The following SPATA16 variants were observed in gnomAD, a reference collection of about 807,000 sequenced individuals.
SPATA16 encodes spermatogenesis associated 16.
A neutral mutation model predicts 63.3 loss-of-function variants in SPATA16; 36 were observed. The observed-to-expected ratio is 0.57, with a 90% CI of 0.44 to 0.75. The LOEUF (loss-of-function observed/expected upper bound fraction) is 0.75. Ranked by LOEUF, SPATA16 falls within the 30% of genes least tolerant of loss-of-function variation. SPATA16 has a pLI of 0.00. For synonymous variants in SPATA16, 203 were observed against 216.7 expected (o/e 0.94, Z 0.56); for missense variants, 646 against 679.3 (o/e 0.95, Z 0.54).
intron 6 of SPATA16, 132 bp from the exon 7 acceptor site, chr3:172,925,624 T>C (rs1393124090): frequency 1.8e-6 from 2 of 1,092,998 alleles, no homozygotes; most frequent in Non-Finnish European, 2.7e-6. Context: ...TGAAGTAATA[T>C]TATGTGTATC....
intron 2 of SPATA16, among the ~76,000 whole-genome samples, chr3:173,051,354 C>T (rs188586925): frequency 5.3e-5 from 8 of 152,282 alleles, no homozygotes; most frequent in East Asian, 1.9e-4. Context: ...AGGCAAGTGC[C>T]ACCACGCCCG....
At chr3:172,901,443 A>G (rs1325227601) in intron 10 of SPATA16, among the ~76,000 whole-genome samples, 1 of 152,198 alleles carries the variant, frequency 6.6e-6, no homozygotes, top group Non-Finnish European at 1.5e-5. Context: ...CAAGTGATCC[A>G]CCTGCCTTGG....
At chr3:172,924,341 T>C in intron 7 of SPATA16, 24 bp from the exon 8 acceptor site, 1 of 1,558,048 alleles carries the variant, frequency 6.4e-7, no homozygotes, top group South Asian at 1.1e-5. Context: ...CAATAAACTT[T>C]TATACTATTT....
intron 2 of SPATA16, among the ~76,000 whole-genome samples, chr3:173,110,385 C>A (rs1299710509): frequency 6.6e-6 from 1 of 152,116 alleles, no homozygotes. Flanking sequence ...TACTTTGTCC[C>A]TTGCTTTGGT....
chr3:173,124,447 G>A (rs73030998), intron 1 of SPATA16, among the ~76,000 whole-genome samples: 4,015 of 152,236 alleles, frequency 0.026, 160 homozygotes, highest in African/African-American at 0.091. Flanking sequence ...AAAATGCCTT[G>A]GCTCTTTCCA....
intron 3 of SPATA16, among the ~76,000 whole-genome samples, chr3:173,036,419 G>A (rs1735716306): frequency 6.6e-6 from 1 of 151,844 alleles, no homozygotes; most frequent in Non-Finnish European, 1.5e-5. Context: ...TTAAAAATTT[G>A]GTTTTGCATA....
intron 6 of SPATA16, among the ~76,000 whole-genome samples, chr3:172,956,329 A>G (rs1458130597): frequency 6.6e-6 from 1 of 152,082 alleles, no homozygotes; most frequent in Non-Finnish European, 1.5e-5. Flanking sequence ...AAAAAAATCC[A>G]TCTGCAGGAA....
chr3:172,930,188 C>G lies in SPATA16; in HGVS notation c.1082-4696G>C, dbSNP rs142523509. Among the ~76,000 whole-genome samples, 188 of 152,332 alleles carry G rather than the reference C, an allele frequency of 1.2e-3. 2 individuals carry two copies. The highest frequency in any genetic ancestry group is 4.4e-3 in the African/African-American group (184 of 41,580). On this transcript the variant is annotated intron_variant, in intron 6 of 10. Coordinates refer to ENST00000351008, the MANE Select transcript of SPATA16 (RefSeq NM_031955.6). ...ATGCCAATACATCACTACATCACCA[C>G]TCGATGAATATTTTTGATACATCAC...
chr3:173,053,121 C>T (rs1236264250), intron 2 of SPATA16, among the ~76,000 whole-genome samples: 2 of 152,116 alleles, frequency 1.3e-5, no homozygotes, highest in African/African-American at 2.4e-5. Context: ...TTTCAGAGAC[C>T]GAGGCAGGCG....
At chr3:173,057,462 C>T (rs894428236) in intron 2 of SPATA16, among the ~76,000 whole-genome samples, 3 of 143,824 alleles carry the variant, frequency 2.1e-5, no homozygotes, top group Admixed American at 6.9e-5. Flanking sequence ...CATCTTTCAC[C>T]GCTATTATTC....
intron 2 of SPATA16, among the ~76,000 whole-genome samples, chr3:173,095,466 T>C (rs1424704025): frequency 6.6e-6 from 1 of 152,168 alleles, no homozygotes; most frequent in Non-Finnish European, 1.5e-5. Context: ...TACCTATGTA[T>C]ATGTCAGCTA....
intron 2 of SPATA16, among the ~76,000 whole-genome samples, chr3:173,095,158 C>T (rs1396754620): frequency 6.6e-6 from 1 of 152,032 alleles, no homozygotes; most frequent in African/African-American, 2.4e-5. Flanking sequence ...TCCTCATTTG[C>T]AAAATGAGGC....
intron 10 of SPATA16, among the ~76,000 whole-genome samples, chr3:172,899,442 A>G (rs1732077923): frequency 6.6e-6 from 1 of 152,010 alleles, no homozygotes; most frequent in Non-Finnish European, 1.5e-5. Context: ...TGATATTAAT[A>G]TAACCACTAT....
chr3:172,951,059 C>A (rs1313538121), intron 6 of SPATA16, among the ~76,000 whole-genome samples: 1 of 151,924 alleles, frequency 6.6e-6, no homozygotes, highest in Non-Finnish European at 1.5e-5. Flanking sequence ...AAATCTCAAG[C>A]CAAATCTTTA....
At chr3:172,941,336 G>T (rs1733142739) in intron 6 of SPATA16, among the ~76,000 whole-genome samples, 1 of 152,120 alleles carries the variant, frequency 6.6e-6, no homozygotes, top group Non-Finnish European at 1.5e-5. Context: ...TGAAAGACTT[G>T]ACCCCTTAGA....
chr3:173,116,586 G>A (rs1042370608), intron 2 of SPATA16, among the ~76,000 whole-genome samples: 1 of 152,104 alleles, frequency 6.6e-6, no homozygotes, highest in African/African-American at 2.4e-5. Context: ...ACTAGAATGG[G>A]GAGAAAAATA....
intron 6 of SPATA16, among the ~76,000 whole-genome samples, chr3:172,941,951 T>C (rs992770078): frequency 2.6e-5 from 4 of 152,062 alleles, no homozygotes; most frequent in African/African-American, 9.7e-5. Context: ...TGTTAAGATG[T>C]CTATGTTTAC....
At chr3:172,977,200 C>T (rs1734183016) in intron 4 of SPATA16, 148 bp from the exon 5 acceptor site, 1 of 704,060 alleles carries the variant, frequency 1.4e-6, no homozygotes, top group South Asian at 1.7e-5. Context: ...ACACAAAGCA[C>T]ATTTTAGAGT....
At chr3:173,058,597 C>G (rs1486580758) in intron 2 of SPATA16, among the ~76,000 whole-genome samples, 2 of 151,944 alleles carry the variant, frequency 1.3e-5, no homozygotes, top group Non-Finnish European at 2.9e-5. Flanking sequence ...TGTATTTGTT[C>G]TTTGATAATT....
Sources: gnomAD v4.1 joint callset for allele counts (sites outside exome capture counted in the v4.1 genomes callset) on GRCh38, gnomAD v4.1.1 for gene constraint, MANE v1.5 for transcripts, NCBI Gene and HGNC (gene_info 2026-07-23, HGNC 2026-07-21) for gene names.